ANKRD55: variants seen among roughly 807,000 people sequenced by gnomAD.
ANKRD55 encodes ankyrin repeat domain-containing protein 55.
ANKRD55 carries 41 observed loss-of-function variants against 60.6 expected under a neutral mutation model. The ratio of observed to expected loss-of-function variants is 0.68; its 90% CI spans 0.53 to 0.88. The LOEUF is 0.88. Ranked by LOEUF, ANKRD55 falls within the 40% of genes least tolerant of loss-of-function variation. ANKRD55 has a pLI of 0.00. For synonymous variants in ANKRD55, 264 were observed against 290.3 expected, an observed-to-expected ratio of 0.91 and a Z score of 0.92; for missense variants, 732 against 767.6, an observed-to-expected ratio of 0.95 and a Z score of 0.55.
rs370493020 is a variant in ANKRD55, at chr5:56,211,577, T to A, written c.58+21279A>T. ...CTTGGATCCCGCCCTCTGACCCCTGTGCACTGTGGTCTGGAAGCACTCTTT... is the reference window on the plus strand; with the variant it reads ...CTTGGATCCCGCCCTCTGACCCCTGAGCACTGTGGTCTGGAAGCACTCTTT... On this transcript the variant is annotated intron_variant, in intron 2 of 11. Coordinates refer to ENST00000341048, the MANE Select transcript of ANKRD55 (RefSeq NM_024669.3). Among the ~76,000 whole-genome samples the A allele has an allele frequency of 8.5e-5, 13 of 152,312 alleles. No individual in the cohort carries two copies. The East Asian group carries it at 2.5e-3, about 29-fold the overall frequency.
intron 8 of ANKRD55, among the ~76,000 whole-genome samples, chr5:56,123,433 A>C (rs2111710364): frequency 6.6e-6 from 1 of 152,286 alleles, no homozygotes; most frequent in South Asian, 2.1e-4. Context: ...AACACGTAAT[A>C]GGGCCATGTA....
chr5:56,111,140 G>A lies in ANKRD55; in HGVS notation c.1608C>T (p.Arg536=). The A allele has an allele frequency of 1.9e-6, 3 of 1,613,834 alleles. No individual in the cohort carries two copies. The highest frequency in any genetic ancestry group is 2.5e-6 in the Non-Finnish European group (3 of 1,179,856). The change falls in exon 10 of 12, where the codon CGC becomes CGT. Residue 536 remains arginine (R), a synonymous_variant. Transcript: ENST00000341048. ...HQEVSVPPHL[R]HLHNPSSGQN... Reference sequence around the variant, plus strand: ...TACCTGATGATGGATTATGTAGATGGCGAAGGTGTGGTGGCACGGAGACCT... The same window carrying A: ...TACCTGATGATGGATTATGTAGATGACGAAGGTGTGGTGGCACGGAGACCT...
intron 5 of ANKRD55, among the ~76,000 whole-genome samples, chr5:56,163,055 C>T (rs1208807852): frequency 6.6e-6 from 1 of 152,154 alleles, no homozygotes; most frequent in East Asian, 1.9e-4. Context: ...ATGGCTGTGA[C>T]TGATATGTGA....
intron 2 of ANKRD55, among the ~76,000 whole-genome samples, chr5:56,202,813 G>T (rs1191638961): frequency 6.6e-6 from 1 of 152,162 alleles, no homozygotes; most frequent in African/African-American, 2.4e-5. Flanking sequence ...TCTTGCGGGG[G>T]TAGGTTTTCT....
At chr5:56,101,396 CTG>C (rs532386255) in intron 11 of ANKRD55, among the ~76,000 whole-genome samples, 3 of 144,406 alleles carry the variant, frequency 2.1e-5, no homozygotes, top group Admixed American at 6.9e-5. Context: ...TGTGGAGGGG[CTG>C]TGTGTGTGTG....
intron 6 of ANKRD55, among the ~76,000 whole-genome samples, chr5:56,151,606 A>G (rs891858425): frequency 6.6e-6 from 1 of 152,108 alleles, no homozygotes; most frequent in Non-Finnish European, 1.5e-5. Flanking sequence ...TGAGGACAGG[A>G]GTTCGAGACC....
intron 7 of ANKRD55, among the ~76,000 whole-genome samples, chr5:56,137,777 A>G (rs1357557096): frequency 2.0e-5 from 3 of 152,214 alleles, no homozygotes; most frequent in African/African-American, 7.2e-5. Context: ...TAAAAGACGT[A>G]TCTAATAAAA....
intron 2 of ANKRD55, among the ~76,000 whole-genome samples, chr5:56,199,871 A>T (rs1196847998): frequency 6.7e-6 from 1 of 149,120 alleles, no homozygotes; most frequent in Non-Finnish European, 1.5e-5. Flanking sequence ...AGCCTGGGTG[A>T]CAGAGTGAGA....
chr5:56,177,071 C>G lies in ANKRD55; in HGVS notation c.182-789G>C, dbSNP rs114598201. Among the ~76,000 whole-genome samples the G allele has an allele frequency of 3.6e-3, 548 of 152,276 alleles. 6 individuals are homozygous for G. Among genetic ancestry groups the G allele is most frequent in the African/African-American group, 0.013 (529 of 41,574 alleles). Reference sequence around the variant, plus strand: ...CAAGAAAGGGTAAATCCCAAGATTTCTGTTTTCACTGAAAGAACACCGAGT... The same window carrying G: ...CAAGAAAGGGTAAATCCCAAGATTTGTGTTTTCACTGAAAGAACACCGAGT... On this transcript the variant is annotated intron_variant, in intron 3 of 11. Coordinates refer to ENST00000341048, the MANE Select transcript of ANKRD55 (RefSeq NM_024669.3).
At chr5:56,227,323 C>T (rs1010405993) in intron 2 of ANKRD55, among the ~76,000 whole-genome samples, 1 of 135,828 alleles carries the variant, frequency 7.4e-6, no homozygotes, top group African/African-American at 2.8e-5. Flanking sequence ...GAACACCACA[C>T]ACCCGGGCCT....
At chr5:56,225,582 AC>A (rs932134135) in intron 2 of ANKRD55, among the ~76,000 whole-genome samples, 55 of 152,124 alleles carry the variant, frequency 3.6e-4, no homozygotes, top group African/African-American at 1.1e-3. Context: ...TATTTAGAAA[AC>A]CCCATCGTCT....
At chr5:56,115,100 T>G (rs1045234246) in intron 9 of ANKRD55, among the ~76,000 whole-genome samples, 3 of 151,818 alleles carry the variant, frequency 2.0e-5, no homozygotes, top group Non-Finnish European at 4.4e-5. Flanking sequence ...CTCAGGAGGT[T>G]GAGGTGAGGG....
chr5:56,187,820 C>T (rs1488855426), intron 2 of ANKRD55, among the ~76,000 whole-genome samples: 9 of 152,178 alleles, frequency 5.9e-5, no homozygotes, highest in African/African-American at 1.7e-4. Context: ...TCTTGGAATA[C>T]GTGAGGCCAA....
intron 6 of ANKRD55, among the ~76,000 whole-genome samples, chr5:56,149,843 C>CT (rs763644589): frequency 0.013 from 1,836 of 140,346 alleles, 39 homozygotes; most frequent in African/African-American, 0.041. Flanking sequence ...TCACTAACTT[C>CT]TTTTTTTTTT....
intron 2 of ANKRD55, among the ~76,000 whole-genome samples, chr5:56,188,832 T>C (rs936198481): frequency 3.3e-5 from 5 of 152,204 alleles, no homozygotes; most frequent in Admixed American, 3.3e-4. Context: ...AAGTTCTGAC[T>C]GATAAAACGT....
chr5:56,213,293 G>C (rs1393376367), intron 2 of ANKRD55, among the ~76,000 whole-genome samples: 1 of 152,106 alleles, frequency 6.6e-6, no homozygotes, highest in Non-Finnish European at 1.5e-5. Flanking sequence ...ATATATTTAA[G>C]TATTTGCTTA....
At chr5:56,154,544 T>C (rs185629935) in intron 6 of ANKRD55, among the ~76,000 whole-genome samples, 2 of 152,108 alleles carry the variant, frequency 1.3e-5, no homozygotes, top group African/African-American at 4.8e-5. Flanking sequence ...AAATAAATAA[T>C]TGGCAAAAAC....
intron 2 of ANKRD55, among the ~76,000 whole-genome samples, chr5:56,203,730 T>A (rs150344234): frequency 6.6e-6 from 1 of 152,080 alleles, no homozygotes; most frequent in African/African-American, 2.4e-5. Flanking sequence ...TAATCCAGTC[T>A]ATTATTGTTG....
At chr5:56,106,947 G>A (rs1467222801) in intron 10 of ANKRD55, among the ~76,000 whole-genome samples, 1 of 151,134 alleles carries the variant, frequency 6.6e-6, no homozygotes, top group Non-Finnish European at 1.5e-5. Context: ...AGGAGTTTGA[G>A]GCTGAAGTGA....
Sources: allele counts gnomAD v4.1 joint callset (sites outside exome capture counted in the v4.1 genomes callset), GRCh38; gene constraint gnomAD v4.1.1; transcripts MANE v1.5; gene names NCBI Gene and HGNC (gene_info 2026-07-23, HGNC 2026-07-21).